GREM2: variants seen among roughly 807,000 people sequenced by gnomAD.
The protein encoded by GREM2 is gremlin 2, DAN family BMP antagonist.
Under a neutral mutation model 14.2 loss-of-function variants are expected in GREM2, and 11 were observed. The ratio of observed to expected loss-of-function variants is 0.78; its 90% CI spans 0.49 to 1.28. The LOEUF (loss-of-function observed/expected upper bound fraction) is 1.28. GREM2 is among the 50% of genes most tolerant of loss of function. The pLI is 0.00. For missense variants in GREM2, 210 were observed against 218.5 expected, an observed-to-expected ratio of 0.96 and a Z score of 0.24; for synonymous variants, 98 against 97.6, an observed-to-expected ratio of 1.00 and a Z score of -0.02.
intron 1 of GREM2, among the ~76,000 whole-genome samples, chr1:240,494,952 C>T (rs1278713259): frequency 6.6e-6 from 1 of 152,094 alleles, no homozygotes; most frequent in Non-Finnish European, 1.5e-5. Context: ...TGTATTAAAA[C>T]TGTCTGATGA....
intron 1 of GREM2, among the ~76,000 whole-genome samples, chr1:240,548,138 G>A (rs1252698362): frequency 6.6e-6 from 1 of 151,744 alleles, no homozygotes; most frequent in Non-Finnish European, 1.5e-5. Context: ...AGCCAGGCGT[G>A]GTGGTATGTG....
At chr1:240,500,364 T>A (rs1677542641) in intron 1 of GREM2, among the ~76,000 whole-genome samples, 1 of 151,954 alleles carries the variant, frequency 6.6e-6, no homozygotes, top group African/African-American at 2.4e-5. Context: ...AGTGGCGCGA[T>A]CTTGGCTCAC....
intron 1 of GREM2, among the ~76,000 whole-genome samples, chr1:240,562,451 T>C (rs1036498732): frequency 1.3e-5 from 2 of 152,176 alleles, no homozygotes; most frequent in Non-Finnish European, 2.9e-5. Flanking sequence ...CTCTCAGCGG[T>C]TACGATTCTT....
intron 1 of GREM2, among the ~76,000 whole-genome samples, chr1:240,528,511 G>GA (rs1256413891): frequency 4.6e-5 from 7 of 151,992 alleles, no homozygotes; most frequent in African/African-American, 1.7e-4. Flanking sequence ...TATCTGGGTT[G>GA]AAAAAAATGT....
At chr1:240,514,790 C>T (rs1444945702) in intron 1 of GREM2, among the ~76,000 whole-genome samples, 1 of 152,164 alleles carries the variant, frequency 6.6e-6, no homozygotes, top group East Asian at 1.9e-4. Context: ...TTCCCAGCTA[C>T]TCAGGAGGCC....
chr1:240,543,388 C>G lies in GREM2; in HGVS notation c.-1-49912G>C, dbSNP rs768206154. On this transcript the variant is annotated intron_variant, in intron 1 of 1. Coordinates refer to ENST00000318160, the MANE Select transcript of GREM2 (RefSeq NM_022469.4). This position sits in a 1 kb window ranked among gnomAD's most constrained non-coding sequence, Gnocchi z 6.4. ...ATCAAGGCAGAAGACAAATGAGGAG[C>G]AAAATCACGTCTTACATGGTGGTAA... is the stretch of plus-strand genomic sequence containing the variant. 6.6e-6 allele frequency among the ~76,000 whole-genome samples: 1 copy of G among 152,164 alleles called. No individual in the cohort carries two copies. The highest frequency in any genetic ancestry group is 1.5e-5 in the Non-Finnish European group (1 of 68,042).
At chr1:240,574,650 G>C (rs1466264200) in intron 1 of GREM2, among the ~76,000 whole-genome samples, 3 of 152,150 alleles carry the variant, frequency 2.0e-5, no homozygotes, top group Non-Finnish European at 4.4e-5. Context: ...TACTGGTGGG[G>C]AGGTGGGGGT....
chr1:240,557,443 T>C (rs6429211), intron 1 of GREM2, among the ~76,000 whole-genome samples: 6,608 of 152,056 alleles, frequency 0.043, 405 homozygotes, highest in African/African-American at 0.13. Flanking sequence ...CAAAATAGTT[T>C]TTGTACAAAG....
At position 240,604,233 on chromosome 1, in the gene GREM2, A is replaced by G. The variant is rs138588526; in HGVS notation, c.-2+7651T>C. On this transcript the variant is annotated intron_variant, in intron 1 of 1. Coordinates refer to ENST00000318160, the MANE Select transcript of GREM2 (RefSeq NM_022469.4). ...CCTCCCACCAGGCCCTACCTCCAGT[A>G]TTGGGGGTCACATTTCAACATGTGA... Among the ~76,000 whole-genome samples the G allele has an allele frequency of 1.6e-3, 236 of 151,842 alleles. 1 individual carries two copies. The highest frequency in any genetic ancestry group is 5.4e-3 in the African/African-American group (224 of 41,456).
chr1:240,522,103 G>C (rs1241427244), intron 1 of GREM2, among the ~76,000 whole-genome samples: 1 of 132,204 alleles, frequency 7.6e-6, no homozygotes, highest in African/African-American at 3.0e-5. Flanking sequence ...CTGGATGACA[G>C]AGCAAAACCC....
intron 1 of GREM2, among the ~76,000 whole-genome samples, chr1:240,605,361 C>G (rs1558181291): frequency 6.6e-6 from 1 of 152,110 alleles, no homozygotes; most frequent in Non-Finnish European, 1.5e-5. Context: ...CCTCTAGTCT[C>G]AGCTACTTCG....
At chr1:240,600,616 T>C (rs1679903251) in intron 1 of GREM2, among the ~76,000 whole-genome samples, 1 of 152,152 alleles carries the variant, frequency 6.6e-6, no homozygotes, top group Non-Finnish European at 1.5e-5. Context: ...CCTGAGTAGC[T>C]GGGATTACAG....
intron 1 of GREM2, among the ~76,000 whole-genome samples, chr1:240,552,264 A>G (rs1004373993): frequency 6.6e-6 from 1 of 152,114 alleles, no homozygotes; most frequent in African/African-American, 2.4e-5. Context: ...TTCATTTTCT[A>G]AAAAACACAT....
chr1:240,502,640 C>G (rs576060699), intron 1 of GREM2, among the ~76,000 whole-genome samples: 34 of 152,162 alleles, frequency 2.2e-4, no homozygotes, highest in Non-Finnish European at 4.9e-4. Flanking sequence ...CTTTTCATAT[C>G]TTCCCACTCA....
intron 1 of GREM2, among the ~76,000 whole-genome samples, chr1:240,584,090 G>A (rs1487575762): frequency 6.6e-6 from 1 of 151,634 alleles, no homozygotes; most frequent in Non-Finnish European, 1.5e-5. Flanking sequence ...ACCAAACTCA[G>A]ATCAAAAATA....
intron 1 of GREM2, among the ~76,000 whole-genome samples, chr1:240,597,724 G>A (rs969607422): frequency 6.6e-6 from 1 of 152,132 alleles, no homozygotes; most frequent in African/African-American, 2.4e-5. Context: ...GATGAAATAG[G>A]ACTAAAGTTC....
chr1:240,609,285 A>G (rs1194871834), intron 1 of GREM2, among the ~76,000 whole-genome samples: 1 of 152,016 alleles, frequency 6.6e-6, no homozygotes, highest in Non-Finnish European at 1.5e-5. Context: ...GGTCCCATCA[A>G]TGTGCTGGCC....
intron 1 of GREM2, among the ~76,000 whole-genome samples, chr1:240,541,293 G>A (rs1678580834): frequency 6.6e-6 from 1 of 152,162 alleles, no homozygotes; most frequent in African/African-American, 2.4e-5. Flanking sequence ...GGGCAAGGCT[G>A]GTCCATCCTG....
At position 240,591,949 on chromosome 1, in the gene GREM2, T is replaced by C. The variant is rs77780523; in HGVS notation, c.-2+19935A>G. On this transcript the variant is annotated intron_variant, in intron 1 of 1. Transcript: ENST00000318160. ...GTATTTGAAAGGTTTGAATAGGTTT[T>C]TCAGACCACGGTTCTACAATTGACT... 2.2e-3 allele frequency among the ~76,000 whole-genome samples: 335 copies of C among 152,280 alleles called. 5 individuals are homozygous for C. In the East Asian group the frequency reaches 0.036, roughly 16 times the overall value.
Sources: allele counts gnomAD v4.1 joint callset (sites outside exome capture counted in the v4.1 genomes callset), GRCh38; gene constraint gnomAD v4.1.1; non-coding constraint Gnocchi (gnomAD v3.1); transcripts MANE v1.5; gene names NCBI Gene and HGNC (gene_info 2026-07-23, HGNC 2026-07-21).